Variants in TESC observed in about 807,000 individuals in gnomAD.
The protein encoded by TESC is calcineurin B homologous protein 3.
Under a neutral mutation model 31.0 loss-of-function variants are expected in TESC, and 19 were observed. That is an observed-to-expected ratio of 0.61 (90% CI 0.43 to 0.90). The LOEUF is 0.90. TESC is among the 40% of genes least tolerant of loss of function. TESC has a pLI of 0.00. For synonymous variants in TESC, 109 were observed against 114.8 expected (o/e 0.95, Z 0.32); for missense variants, 248 against 303.8 (o/e 0.82, Z 1.36).
chr12:117,094,048 G>C (rs1408751773), intron 1 of TESC, among the ~76,000 whole-genome samples: 2 of 152,048 alleles, frequency 1.3e-5, no homozygotes, highest in Admixed American at 6.6e-5. Context: ...TTTGTACCTC[G>C]GTCCACACAC....
intron 2 of TESC, among the ~76,000 whole-genome samples, chr12:117,058,482 C>G (rs2135762975): frequency 6.7e-6 from 1 of 149,500 alleles, no homozygotes; most frequent in East Asian, 2.0e-4. Flanking sequence ...GGATGCAGAA[C>G]TCTGTACATA....
chr12:117,086,573 C>T (rs985926006), intron 1 of TESC, among the ~76,000 whole-genome samples: 4 of 151,940 alleles, frequency 2.6e-5, no homozygotes, highest in African/African-American at 9.7e-5. Context: ...GCTGGGACTA[C>T]AGGTGCACAC....
At chr12:117,081,865 C>G (rs866876020) in intron 1 of TESC, among the ~76,000 whole-genome samples, 1 of 151,848 alleles carries the variant, frequency 6.6e-6, no homozygotes, top group Non-Finnish European at 1.5e-5. Context: ...GATCGTGCCA[C>G]TGCACTCCAG....
intron 3 of TESC, among the ~76,000 whole-genome samples, chr12:117,049,745 G>A (rs7968891): frequency 0.45 from 68,344 of 151,528 alleles, 17,844 homozygotes; most frequent in African/African-American, 0.73. Context: ...TAATAAAAAT[G>A]CAAAAATTAG....
intron 1 of TESC, among the ~76,000 whole-genome samples, chr12:117,086,835 C>T (rs1955225358): frequency 6.6e-6 from 1 of 152,214 alleles, no homozygotes; most frequent in Non-Finnish European, 1.5e-5. Context: ...GTAGGAGATG[C>T]AGGAGACGCT....
chr12:117,042,915 T>C (rs1445163122), intron 6 of TESC, among the ~76,000 whole-genome samples: 1 of 152,164 alleles, frequency 6.6e-6, no homozygotes, highest in Non-Finnish European at 1.5e-5. Context: ...ACTTATATCC[T>C]ACTGGTCAAG....
In TESC at chr12:117,046,595, G is replaced by T; in HGVS notation, c.483C>A (p.Ala161=). The change falls in exon 6 of 8, where the codon GCC becomes GCA. Residue 161 remains alanine (A), a synonymous_variant. Coordinates refer to ENST00000335209, the MANE Select transcript of TESC (RefSeq NM_017899.4). ...TGCACACGCTGGCCGCCTCCATCAT[G>T]GCCCCGTCGGCGATGGAGCGAGCGG... The part of the protein sequence containing the change: ...KESARSIADG[A]MMEAASVCMG... 6.4e-7 allele frequency: 1 copy of T among 1,551,226 alleles called. No individual in the cohort carries two copies. The highest frequency in any genetic ancestry group is 8.7e-7 in the Non-Finnish European group (1 of 1,146,982).
intron 2 of TESC, among the ~76,000 whole-genome samples, chr12:117,071,815 G>A (rs889729943): frequency 3.9e-5 from 6 of 152,114 alleles, no homozygotes; most frequent in Admixed American, 6.5e-5. Context: ...GAGAGGCCGC[G>A]CCAGCTCAGC....
At chr12:117,075,489 G>A (rs931505978) in intron 1 of TESC, 149 bp from the exon 2 acceptor site, 3 of 774,226 alleles carry the variant, frequency 3.9e-6, no homozygotes, top group Admixed American at 5.3e-5. Context: ...GCGAGTGCCG[G>A]GTGAAGCAGC....
chr12:117,081,867 G>T (rs1955153314), intron 1 of TESC, among the ~76,000 whole-genome samples: 3 of 152,026 alleles, frequency 2.0e-5, no homozygotes, highest in Middle Eastern at 3.4e-3. Context: ...TCGTGCCACT[G>T]CACTCCAGCC....
At chr12:117,050,809 C>T (rs1417340396) in intron 3 of TESC, among the ~76,000 whole-genome samples, 5 of 152,170 alleles carry the variant, frequency 3.3e-5, no homozygotes, top group Non-Finnish European at 7.3e-5. Flanking sequence ...CCTGTAGTCC[C>T]AGCTACTTAG....
intron 1 of TESC, among the ~76,000 whole-genome samples, chr12:117,080,196 C>T (rs867929589): frequency 2.0e-5 from 3 of 152,198 alleles, no homozygotes; most frequent in South Asian, 4.1e-4. Flanking sequence ...AGGCTGGGTG[C>T]GGTGGCTCAC....
At chr12:117,064,534 AGCCCCTTCAAGG>A (rs1954846420) in intron 2 of TESC, among the ~76,000 whole-genome samples, 1 of 152,222 alleles carries the variant, frequency 6.6e-6, no homozygotes, top group African/African-American at 2.4e-5. Context: ...CAAGCATTCG[AGCCCCTTCAAGG>A]AGCCAGGCAC....
intron 1 of TESC, among the ~76,000 whole-genome samples, chr12:117,091,504 G>T (rs1262800523): frequency 6.6e-6 from 1 of 152,246 alleles, no homozygotes; most frequent in Non-Finnish European, 1.5e-5. Context: ...GGCAGTAGGG[G>T]AGGCAAGAAA....
intron 6 of TESC, among the ~76,000 whole-genome samples, chr12:117,044,674 G>A (rs900823269): frequency 1.3e-5 from 2 of 152,222 alleles, no homozygotes; most frequent in African/African-American, 4.8e-5. Flanking sequence ...AAGGTGGGTG[G>A]ATCACTTGAG....
intron 1 of TESC, among the ~76,000 whole-genome samples, chr12:117,086,769 T>G (rs1345012627): frequency 6.6e-6 from 1 of 152,168 alleles, no homozygotes; most frequent in Non-Finnish European, 1.5e-5. Flanking sequence ...ACATGAATTT[T>G]GCATCAATTT....
At chr12:117,039,619 C>T (rs1441947473) in intron 7 of TESC, among the ~76,000 whole-genome samples, 3 of 152,320 alleles carry the variant, frequency 2.0e-5, no homozygotes, top group African/African-American at 4.8e-5. Flanking sequence ...CTAATGGACC[C>T]GTCCTCATCA....
chr12:117,049,204 A>C (rs752650641), intron 3 of TESC, 46 bp from the exon 4 acceptor site: 1 of 1,612,302 alleles, frequency 6.2e-7, no homozygotes, highest in South Asian at 1.1e-5. Flanking sequence ...GAAGAACTGG[A>C]TCTTGTCCTC....
intron 1 of TESC, among the ~76,000 whole-genome samples, chr12:117,090,409 C>A (rs979888727): frequency 5.3e-5 from 8 of 152,156 alleles, no homozygotes; most frequent in African/African-American, 1.9e-4. Flanking sequence ...TTATAGCATG[C>A]CTTTTAAAAG....
Sources: allele counts gnomAD v4.1 joint callset (sites outside exome capture counted in the v4.1 genomes callset), GRCh38; gene constraint gnomAD v4.1.1; transcripts MANE v1.5; gene names NCBI Gene and HGNC (gene_info 2026-07-23, HGNC 2026-07-21).